WWOX: variants seen among roughly 807,000 people sequenced by gnomAD.
WWOX encodes the protein WW domain-containing oxidoreductase.
In WWOX, 69 loss-of-function variants were observed where a neutral mutation model predicts 46.2. The observed-to-expected ratio is 1.49, with a 90% CI of 1.23 to 1.82. The LOEUF is 1.82. WWOX is among the 40% of genes most tolerant of loss of function. The pLI, the probability that WWOX is intolerant of heterozygous loss-of-function variation, is 0.00. For synonymous variants in WWOX, 359 were observed against 202.6 expected, an observed-to-expected ratio of 1.77 and a Z score of -6.56; for missense variants, 919 against 542.6, an observed-to-expected ratio of 1.69 and a Z score of -6.89.
At chr16:78,317,009 T>A (rs750400971) in intron 5 of WWOX, among the ~76,000 whole-genome samples, 1 of 152,184 alleles carries the variant, frequency 6.6e-6, no homozygotes, top group Non-Finnish European at 1.5e-5. Flanking sequence ...GGAAAGTTGC[T>A]TTTTGGAAGG....
rs190533628 is a variant in WWOX, at chr16:78,104,297, A to G, written c.108-4126A>G. On this transcript the variant is annotated intron_variant, in intron 1 of 8. Transcript: ENST00000566780. ...TGGCTGTCCTCACTGTCAACTCTAG[A>G]TCTCCCTGCTAACTTACACTGTGCT... 3.8e-3 allele frequency among the ~76,000 whole-genome samples: 564 copies of G among 147,172 alleles called. 1 individual carries two copies. Among genetic ancestry groups the G allele is most frequent in the African/African-American group, 0.014 (531 of 39,310 alleles).
At chr16:79,070,521 A>G (rs2048530159) in intron 8 of WWOX, among the ~76,000 whole-genome samples, 1 of 152,112 alleles carries the variant, frequency 6.6e-6, no homozygotes, top group African/African-American at 2.4e-5. Context: ...TCTGCCTTCT[A>G]TCATGATTGT....
At chr16:78,932,304 T>G (rs922852531) in intron 8 of WWOX, among the ~76,000 whole-genome samples, 1 of 152,194 alleles carries the variant, frequency 6.6e-6, no homozygotes, top group East Asian at 1.9e-4. Flanking sequence ...CTTCTTGTAC[T>G]GACCAGGCAG....
intron 5 of WWOX, among the ~76,000 whole-genome samples, chr16:78,266,598 C>G (rs139941990): frequency 2.6e-5 from 4 of 152,310 alleles, no homozygotes; most frequent in African/African-American, 9.6e-5. Flanking sequence ...TCTGTGCTGA[C>G]TACCTGTAGG....
At chr16:78,624,467 A>T (rs1397968178) in intron 8 of WWOX, among the ~76,000 whole-genome samples, 1 of 152,130 alleles carries the variant, frequency 6.6e-6, no homozygotes, top group Non-Finnish European at 1.5e-5. Flanking sequence ...CTTATTTCCC[A>T]CTTGCAATAA....
At chr16:79,134,615 C>A (rs113939793) in intron 8 of WWOX, among the ~76,000 whole-genome samples, 4,468 of 152,176 alleles carry the variant, frequency 0.029, 205 homozygotes, top group African/African-American at 0.1. Context: ...ATACAGACAC[C>A]CACACCCACA....
At chr16:78,573,869 A>C (rs764925103) in intron 8 of WWOX, among the ~76,000 whole-genome samples, 1 of 152,190 alleles carries the variant, frequency 6.6e-6, no homozygotes, top group Non-Finnish European at 1.5e-5. Flanking sequence ...TTAAAACAGC[A>C]CACATTTATT....
rs567454115 is a variant in WWOX, at chr16:78,979,091, T to C, written c.1057-232517T>C. Among the ~76,000 whole-genome samples, 1,025 of 151,420 alleles carry C rather than the reference T, an allele frequency of 6.8e-3. 14 individuals are homozygous for C. The highest frequency in any genetic ancestry group is 0.024 in the African/African-American group (978 of 41,014). ...CCTGCTCAGAATTTCAGTCTTTTTT[T>C]TTTTTTTTCCCTATACAGACACAGG... is the stretch of plus-strand genomic sequence containing the variant. On this transcript the variant is annotated intron_variant, in intron 8 of 8. Coordinates refer to ENST00000566780, the MANE Select transcript of WWOX (RefSeq NM_016373.4).
intron 8 of WWOX, among the ~76,000 whole-genome samples, chr16:78,815,838 T>C (rs1006156508): frequency 6.6e-6 from 1 of 152,206 alleles, no homozygotes; most frequent in African/African-American, 2.4e-5. Context: ...GAGTCCATGC[T>C]GACATCTGGC....
At chr16:78,520,604 T>C (rs1016414468) in intron 8 of WWOX, among the ~76,000 whole-genome samples, 1 of 149,720 alleles carries the variant, frequency 6.7e-6, no homozygotes, top group Non-Finnish European at 1.5e-5. Flanking sequence ...CTGCTGGGAC[T>C]CACTCTAGAC....
At chr16:78,674,070 A>T (rs1597427659) in intron 8 of WWOX, among the ~76,000 whole-genome samples, 1 of 152,252 alleles carries the variant, frequency 6.6e-6, no homozygotes. Context: ...CTCAAAGAGA[A>T]ATTTCGCAAA....
intron 7 of WWOX, among the ~76,000 whole-genome samples, chr16:78,426,754 C>G (rs1200581280): frequency 6.6e-6 from 1 of 152,128 alleles, no homozygotes; most frequent in Non-Finnish European, 1.5e-5. Context: ...ACTTCAGACT[C>G]CCAGGGTTAA....
intron 8 of WWOX, among the ~76,000 whole-genome samples, chr16:78,915,131 C>A (rs907061545): frequency 6.6e-6 from 1 of 152,122 alleles, no homozygotes; most frequent in African/African-American, 2.4e-5. Flanking sequence ...TGGACTCCTG[C>A]TGCAATTAAA....
chr16:78,643,380 A>T (rs1008138545), intron 8 of WWOX, among the ~76,000 whole-genome samples: 2 of 152,082 alleles, frequency 1.3e-5, no homozygotes, highest in Admixed American at 1.3e-4. Context: ...AACTGTTGCA[A>T]ATTTCCAGTG....
Position 78,102,550 on chromosome 16 carries a change from C to T in WWOX, c.107+2665C>T, listed in dbSNP as rs529613460. 1.3e-4 allele frequency among the ~76,000 whole-genome samples: 20 copies of T among 152,334 alleles called. 1 individual carries two copies. Among genetic ancestry groups the T allele is most frequent in the African/African-American group, 4.6e-4 (19 of 41,582 alleles). ...GGACGGAGGCAAGCTCCTGAGCGGG[C>T]ACTTGCTGTTCCTCTCACCTGTACA... On this transcript the variant is annotated intron_variant, in intron 1 of 8. Transcript: ENST00000566780.
intron 8 of WWOX, among the ~76,000 whole-genome samples, chr16:79,183,328 G>A (rs1001952521): frequency 3.3e-5 from 5 of 152,022 alleles, no homozygotes; most frequent in Non-Finnish European, 7.4e-5. Flanking sequence ...CTCCCAGAAG[G>A]AAAAAAATGA....
chr16:78,557,712 T>TTTTTTTTTTTTTTG (rs2044338280), intron 8 of WWOX, among the ~76,000 whole-genome samples: 1 of 138,686 alleles, frequency 7.2e-6, no homozygotes, highest in African/African-American at 2.7e-5. Context: ...TTTTTTTTTT[T>TTTTTTTTTTTTTTG]GAGACAGGAG....
At chr16:78,257,276 A>T (rs2278075) in intron 5 of WWOX, among the ~76,000 whole-genome samples, 4,799 of 152,278 alleles carry the variant, frequency 0.032, 252 homozygotes, top group East Asian at 0.23. Context: ...AAATAAGGCC[A>T]TGAGATTGCA....
rs1041328731 is a variant in WWOX at position 79,089,481 on chromosome 16, G to A, written c.1057-122127G>A. On this transcript the variant is annotated intron_variant, in intron 8 of 8. Transcript: ENST00000566780. Reference sequence around the variant, plus strand: ...CGAGTAGCTGGGACTACAGGCACACGCCACCACGCCTGGCTAATTTTTGTA... The same window carrying A: ...CGAGTAGCTGGGACTACAGGCACACACCACCACGCCTGGCTAATTTTTGTA... Among the ~76,000 whole-genome samples the A allele has an allele frequency of 5.3e-5, 8 of 151,942 alleles. No individual in the cohort carries two copies. The South Asian group carries it at 1.0e-3, about 20-fold the overall frequency.
Sources: gnomAD v4.1 joint callset for allele counts (sites outside exome capture counted in the v4.1 genomes callset) on GRCh38, gnomAD v4.1.1 for gene constraint, MANE v1.5 for transcripts, NCBI Gene and HGNC (gene_info 2026-07-23, HGNC 2026-07-21) for gene names.